The following ECM2 variants were observed in gnomAD, a reference collection of about 807,000 sequenced individuals.
ECM2 encodes the protein extracellular matrix protein 2, female organ and adipocyte specific.
In ECM2, 57 loss-of-function variants were observed where a neutral mutation model predicts 67.5. The ratio of observed to expected loss-of-function variants is 0.84; its 90% CI spans 0.68 to 1.05. The LOEUF (loss-of-function observed/expected upper bound fraction) is 1.05, where lower values mean the gene tolerates loss of function less well. Among genes scored for constraint, ECM2 ranks in the 50% least tolerant of loss-of-function variants. The pLI, the probability that ECM2 is intolerant of heterozygous loss-of-function variation, is 0.00. For missense variants in ECM2, 741 were observed against 822.8 expected, an observed-to-expected ratio of 0.90 and a Z score of 1.22; for synonymous variants, 258 against 294.5, an observed-to-expected ratio of 0.88 and a Z score of 1.27.
At chr9:92,531,115 T>C (rs1848722338) in intron 1 of ECM2, among the ~76,000 whole-genome samples, 1 of 152,204 alleles carries the variant, frequency 6.6e-6, no homozygotes, top group African/African-American at 2.4e-5. Context: ...TTTAGGCTGT[T>C]TATATTTAAT....
chr9:92,539,876 C>T (rs1849277534), upstream of ECM2, among the ~76,000 whole-genome samples: 1 of 152,120 alleles, frequency 6.6e-6, no homozygotes, highest in Non-Finnish European at 1.5e-5. Flanking sequence ...GGTTGTTTCC[C>T]CTTTCCCCCC....
At chr9:92,545,240 C>T in the ECM2 span, among the ~76,000 whole-genome samples, 6 of 151,982 alleles carry the variant, frequency 3.9e-5, no homozygotes, top group Admixed American at 1.3e-4. Context: ...TGGCCGAGGC[C>T]GGAGCCGCTC....
intron 3 of ECM2, among the ~76,000 whole-genome samples, chr9:92,516,031 C>CAG (rs1847682219): frequency 1.3e-5 from 2 of 151,234 alleles, no homozygotes; most frequent in African/African-American, 2.4e-5. Context: ...TCTGGGTAAA[C>CAG]AGTTCTAGGA....
At chr9:92,498,980 T>C (rs994884060) in intron 9 of ECM2, among the ~76,000 whole-genome samples, 5 of 152,154 alleles carry the variant, frequency 3.3e-5, no homozygotes, top group Non-Finnish European at 7.3e-5. Flanking sequence ...AGCAACACAA[T>C]TGAAAGGACC....
At chr9:92,552,091 TATGATAGATCTATCATATATATGTGA>T in the ECM2 span, among the ~76,000 whole-genome samples, 44 of 136,430 alleles carry the variant, frequency 3.2e-4, 1 homozygote, top group East Asian at 4.1e-4. Context: ...ATATATGTGA[TATGATAGATCTATCATATATATGTGA>T]TATGATAGAT....
At chr9:92,515,703 T>C (rs1229934818) in intron 3 of ECM2, among the ~76,000 whole-genome samples, 1 of 152,264 alleles carries the variant, frequency 6.6e-6, no homozygotes, top group Non-Finnish European at 1.5e-5. Context: ...CTTTTGCTTA[T>C]AGATTTGTCA....
chr9:92,510,833 C>T (rs913341682), intron 5 of ECM2, among the ~76,000 whole-genome samples: 1 of 152,148 alleles, frequency 6.6e-6, no homozygotes, highest in Non-Finnish European at 1.5e-5. Context: ...TAATGCTAGC[C>T]ATTTTCTAGA....
the ECM2 span, among the ~76,000 whole-genome samples, chr9:92,555,791 T>C: frequency 6.6e-6 from 1 of 152,236 alleles, no homozygotes; most frequent in Non-Finnish European, 1.5e-5. Context: ...CTTTTCATCA[T>C]TAATCTTGCT....
intron 4 of ECM2, among the ~76,000 whole-genome samples, chr9:92,512,777 G>A (rs1847433539): frequency 6.6e-6 from 1 of 152,180 alleles, no homozygotes; most frequent in Non-Finnish European, 1.5e-5. Context: ...TACCATAAAA[G>A]CCACGTGGTG....
chr9:92,554,976 G>A, the ECM2 span, among the ~76,000 whole-genome samples: 1 of 151,830 alleles, frequency 6.6e-6, no homozygotes, highest in Admixed American at 6.6e-5. Flanking sequence ...TAGTATCTAT[G>A]TCCATCAAGG....
At chr9:92,527,457 G>A (rs10992360) in intron 1 of ECM2, among the ~76,000 whole-genome samples, 31 of 152,162 alleles carry the variant, frequency 2.0e-4, no homozygotes, top group Non-Finnish European at 3.1e-4. Context: ...ATCTAGGTTC[G>A]TGTAAGTACA....
intron 1 of ECM2, among the ~76,000 whole-genome samples, chr9:92,529,415 A>G (rs1306214469): frequency 6.6e-6 from 1 of 152,188 alleles, no homozygotes; most frequent in Non-Finnish European, 1.5e-5. Context: ...TTTAAAACTT[A>G]ACATACTGTT....
Position 92,512,080 on chromosome 9 carries a change from T to G in ECM2, c.1101A>C (p.Pro367=), listed in dbSNP as rs1239481143. ...SIPDEAFNGL[P]NLERLDLSKN... ...TACTCAGATCAAGCCTTTCCAAATT[T>G]GGTAATCCATTAAATGCTTCATCTG... The change falls in exon 5 of 10, where the codon CCA becomes CCC. Residue 367 remains proline (P), a synonymous_variant. Transcript: ENST00000344604. The G allele has an allele frequency of 1.2e-6, 2 of 1,613,802 alleles. No individual in the cohort carries two copies. The highest frequency in any genetic ancestry group is 2.7e-5 in the African/African-American group (2 of 74,926).
chr9:92,529,861 A>G (rs1169804727), intron 1 of ECM2, among the ~76,000 whole-genome samples: 1 of 152,204 alleles, frequency 6.6e-6, no homozygotes, highest in Non-Finnish European at 1.5e-5. Flanking sequence ...CTGATACAGT[A>G]TAGTCAGCCC....
upstream of ECM2, among the ~76,000 whole-genome samples, chr9:92,537,248 C>T (rs1005857864): frequency 4.6e-5 from 7 of 151,970 alleles, no homozygotes; most frequent in African/African-American, 1.2e-4. Flanking sequence ...GTTTAAATGA[C>T]GTGGTTAGAC....
At chr9:92,551,348 T>C in the ECM2 span, among the ~76,000 whole-genome samples, 227 of 152,206 alleles carry the variant, frequency 1.5e-3, no homozygotes, top group Middle Eastern at 3.4e-3. Context: ...TGATGCTTTT[T>C]GTTTTTTGAG....
At chr9:92,506,033 C>T (rs1166937309) in intron 6 of ECM2, among the ~76,000 whole-genome samples, 3 of 151,988 alleles carry the variant, frequency 2.0e-5, no homozygotes, top group African/African-American at 4.8e-5. Context: ...ATTGTGGTGG[C>T]TGAACAGGGA....
In ECM2 at chr9:92,501,100, A is replaced by G. The variant is rs778108579; in HGVS notation, c.1605-47T>C. The G allele has an allele frequency of 3.4e-5, 53 of 1,568,700 alleles. No individual in the cohort carries two copies. The Middle Eastern group carries it at 7.7e-3, about 227-fold the overall frequency. The stretch of plus-strand genomic sequence containing the variant: ...ACAGGGTAGGGACATCAGGATGGTG[A>G]TCATCAGCTCTAAATTTTGATAAGG... On this transcript the variant is annotated intron_variant, in intron 8 of 9. Coordinates refer to ENST00000344604, the MANE Select transcript of ECM2 (RefSeq NM_001393.4).
rs1846316056 is a variant in ECM2, at chr9:92,495,809, A to G, written c.*506T>C. On this transcript the variant is annotated 3_prime_UTR_variant, in exon 10 of 10. Transcript: ENST00000344604. ...ATGAAAGCTACCCCAATATTCAGTTATATTTATACCAGTAATTATAGCACA... is the reference window on the plus strand; with the variant it reads ...ATGAAAGCTACCCCAATATTCAGTTGTATTTATACCAGTAATTATAGCACA... 1 of 954,572 alleles carries G rather than the reference A, an allele frequency of 1.0e-6. No homozygotes were observed. Among genetic ancestry groups the G allele is most frequent in the Non-Finnish European group, 1.2e-6 (1 of 801,888 alleles). 59.1% of individuals were successfully genotyped at this position (954,572 alleles called of 1,614,324 possible).
Sources: gnomAD v4.1 joint callset for allele counts (sites outside exome capture counted in the v4.1 genomes callset) on GRCh38, gnomAD v4.1.1 for gene constraint, MANE v1.5 for transcripts, NCBI Gene and HGNC (gene_info 2026-07-23, HGNC 2026-07-21) for gene names.